LPAR1: variants seen among roughly 807,000 people sequenced by gnomAD.
The protein encoded by LPAR1 is lysophosphatidic acid receptor 1.
In LPAR1, 5 loss-of-function variants were observed where a neutral mutation model predicts 23.8. The ratio of observed to expected loss-of-function variants is 0.21; its 90% confidence interval spans 0.11 to 0.44. The LOEUF (loss-of-function observed/expected upper bound fraction) is 0.44, where lower values mean the gene tolerates loss of function less well. LPAR1 is among the 20% of genes least tolerant of loss of function. The pLI is 0.99. For synonymous variants in LPAR1, 160 were observed against 164.7 expected, an observed-to-expected ratio of 0.97 and a Z score of 0.22; for missense variants, 311 against 482.8, an observed-to-expected ratio of 0.64 and a Z score of 3.33.
intron 2 of LPAR1, among the ~76,000 whole-genome samples, chr9:111,012,469 G>GCGCGCA (rs1229007475): frequency 6.7e-5 from 10 of 149,968 alleles, no homozygotes; most frequent in African/African-American, 2.4e-4. Flanking sequence ...ACGCACGCGC[G>GCGCGCA]CACACACACA....
chr9:110,892,810 AAGGAAGGAAGGAAGGAAGGCAGGCAGGC>A (rs1489426529), intron 5 of LPAR1, among the ~76,000 whole-genome samples: 2 of 104,940 alleles, frequency 1.9e-5, no homozygotes, highest in African/African-American at 9.1e-5. Context: ...GGAAGGAAGG[AAGGAAGGAAGGAAGGAAGGCAGGCAGGC>A]AGGCAGGCAG....
intron 5 of LPAR1, among the ~76,000 whole-genome samples, chr9:110,924,498 T>C (rs1208562263): frequency 2.1e-5 from 3 of 141,700 alleles, no homozygotes; most frequent in Non-Finnish European, 3.2e-5. Context: ...TAAATGATTT[T>C]CTTTTTTTTC....
At chr9:110,985,931 A>G (rs1289005026) in intron 2 of LPAR1, among the ~76,000 whole-genome samples, 1 of 152,084 alleles carries the variant, frequency 6.6e-6, no homozygotes, top group African/African-American at 2.4e-5. Flanking sequence ...ATTGAGCTCA[A>G]GGGAGTGTGA....
intron 5 of LPAR1, chr9:110,903,521 T>C (rs1482410456): frequency 2.6e-5 from 4 of 152,066 alleles, no homozygotes; most frequent in Admixed American, 2.0e-4. Context: ...GTGGGTTCAA[T>C]AGTAAAATGA....
chr9:110,954,473 G>C (rs768415174), intron 4 of LPAR1, among the ~76,000 whole-genome samples: 1 of 150,828 alleles, frequency 6.6e-6, no homozygotes, highest in Non-Finnish European at 1.5e-5. Flanking sequence ...GAGGCTCAGG[G>C]ATCCCCAAAC....
intron 4 of LPAR1, among the ~76,000 whole-genome samples, chr9:110,966,927 G>A (rs1309684356): frequency 1.3e-5 from 2 of 152,110 alleles, no homozygotes; most frequent in Non-Finnish European, 2.9e-5. Flanking sequence ...TCAAGCACAG[G>A]GTAATGCTTA....
intron 2 of LPAR1, chr9:110,999,459 T>G: frequency 2.2e-6 from 1 of 455,724 alleles, no homozygotes; most frequent in South Asian, 1.6e-5. Context: ...CATGCAGCCC[T>G]GCTTTCTAAA....
At chr9:111,037,027 T>C (rs2097908865) in intron 1 of LPAR1, among the ~76,000 whole-genome samples, 2 of 152,202 alleles carry the variant, frequency 1.3e-5, no homozygotes, top group Non-Finnish European at 2.9e-5. Context: ...GGCAAGGGAA[T>C]AACTTCTTAA....
intron 5 of LPAR1, among the ~76,000 whole-genome samples, chr9:110,901,780 A>T (rs772559417): frequency 1.3e-5 from 2 of 152,148 alleles, no homozygotes; most frequent in Admixed American, 1.3e-4. Flanking sequence ...GGTAGACTGC[A>T]TTTCAGTTTT....
rs2095489831 is a variant in LPAR1, at chr9:110,949,137, C to T, written c.46-6969G>A. On this transcript the variant is annotated intron_variant, in intron 4 of 5. Transcript: ENST00000683809. ...CCAAGGTCCTGAGTTGGTGATATCCCCATGCTCCTCCCACTCACCGCCTAA... is the reference window on the plus strand; with the variant it reads ...CCAAGGTCCTGAGTTGGTGATATCCTCATGCTCCTCCCACTCACCGCCTAA... Among the ~76,000 whole-genome samples, 3 of 152,036 alleles carry T rather than the reference C, an allele frequency of 2.0e-5. No individual in the cohort carries two copies. In the South Asian group the frequency reaches 6.2e-4, roughly 32 times the overall value.
intron 2 of LPAR1, among the ~76,000 whole-genome samples, chr9:110,986,408 T>A (rs894393884): frequency 3.9e-5 from 6 of 152,010 alleles, no homozygotes; most frequent in African/African-American, 1.4e-4. Context: ...GTTTCTAACA[T>A]GAGAAGTAAT....
intron 2 of LPAR1, among the ~76,000 whole-genome samples, chr9:110,992,957 G>A (rs1443569413): frequency 6.6e-6 from 1 of 151,986 alleles, no homozygotes; most frequent in Non-Finnish European, 1.5e-5. Context: ...AAATCAAATT[G>A]TATACTTTAA....
At chr9:110,878,586 C>T (rs552933362) in intron 5 of LPAR1, among the ~76,000 whole-genome samples, 4 of 152,242 alleles carry the variant, frequency 2.6e-5, no homozygotes, top group South Asian at 2.1e-4. Context: ...TCAGCGTACA[C>T]CTGAAAGGTT....
chr9:110,970,625 A>T (rs1346181216), intron 4 of LPAR1, among the ~76,000 whole-genome samples: 1 of 152,088 alleles, frequency 6.6e-6, no homozygotes, highest in Non-Finnish European at 1.5e-5. Flanking sequence ...TTGAGGAGAA[A>T]ACACTATACT....
At chr9:110,972,450 C>G (rs2096454484) in intron 3 of LPAR1, among the ~76,000 whole-genome samples, 1 of 152,160 alleles carries the variant, frequency 6.6e-6, no homozygotes, top group Non-Finnish European at 1.5e-5. Flanking sequence ...TCCAACATCC[C>G]AGCTAGATGT....
intron 4 of LPAR1, among the ~76,000 whole-genome samples, chr9:110,964,712 T>C (rs1188392803): frequency 6.7e-6 from 1 of 148,774 alleles, no homozygotes; most frequent in Non-Finnish European, 1.5e-5. Context: ...GTTGCTTTGA[T>C]AAAAAAAAAA....
chr9:111,017,680 T>A (rs1316201019), intron 2 of LPAR1, among the ~76,000 whole-genome samples: 1 of 152,208 alleles, frequency 6.6e-6, no homozygotes, highest in African/African-American at 2.4e-5. Context: ...CACAGAAGTA[T>A]ACTCATCAGG....
chr9:111,005,575 A>AAAAAAAAAAAAG (rs1564316925), intron 2 of LPAR1, among the ~76,000 whole-genome samples: 39 of 131,506 alleles, frequency 3.0e-4, no homozygotes, highest in African/African-American at 1.2e-3. Flanking sequence ...AAAAAAAAAA[A>AAAAAAAAAAAAG]AAGAAGAATT....
At chr9:110,979,498 C>G (rs1007823628) in intron 2 of LPAR1, among the ~76,000 whole-genome samples, 2 of 152,026 alleles carry the variant, frequency 1.3e-5, no homozygotes, top group Non-Finnish European at 2.9e-5. Context: ...CCACTGAGTG[C>G]CTACCTGCCC....
Sources: allele counts gnomAD v4.1 joint callset (sites outside exome capture counted in the v4.1 genomes callset), GRCh38; gene constraint gnomAD v4.1.1; transcripts MANE v1.5; gene names NCBI Gene and HGNC (gene_info 2026-07-23, HGNC 2026-07-21).